Variants in CEP120 observed in about 807,000 individuals in gnomAD.
CEP120 encodes centrosomal protein 120, also known as centrosomal protein of 120 kDa.
CEP120 carries 113 observed loss-of-function variants against 126.5 expected under a neutral mutation model. That is an observed-to-expected ratio of 0.89 (90% CI 0.77 to 1.04). CEP120 has a LOEUF of 1.04. Among genes scored for constraint, CEP120 ranks in the 50% least tolerant of loss-of-function variants. The probability of loss-of-function intolerance (pLI) is 0.00; values close to 1 mark genes in which losing one functional copy is unlikely to be tolerated. For missense variants in CEP120, 1,230 were observed against 1,155.7 expected (o/e 1.06, Z -0.93); for synonymous variants, 400 against 394.3 (o/e 1.01, Z -0.17).
chr5:123,360,660 G>C (rs1770006649), intron 18 of CEP120, among the ~76,000 whole-genome samples: 1 of 151,674 alleles, frequency 6.6e-6, no homozygotes, highest in Non-Finnish European at 1.5e-5. Context: ...TGGGCAAGAG[G>C]GTAGGAAATA....
intron 16 of CEP120, among the ~76,000 whole-genome samples, chr5:123,374,722 A>C (rs1771085955): frequency 6.6e-6 from 1 of 152,154 alleles, no homozygotes; most frequent in South Asian, 2.1e-4. Flanking sequence ...ATATGACAGA[A>C]GTTTACCTAT....
At chr5:123,401,043 C>A (rs1773186645) in intron 4 of CEP120, 1 of 1,565,770 alleles carries the variant, frequency 6.4e-7, no homozygotes. Context: ...GTAGCTGAGG[C>A]CGGGGCTTGT....
In CEP120 at chr5:123,404,876, C is replaced by A. The variant is rs544514766; in HGVS notation, c.464-5592G>T. Reference sequence around the variant, plus strand: ...TTCCAGAAGACACCTTCTTCCTCTACAGAAAAAGTTTACAGAAGAGATGTA... The same window carrying A: ...TTCCAGAAGACACCTTCTTCCTCTAAAGAAAAAGTTTACAGAAGAGATGTA... On this transcript the variant is annotated intron_variant, in intron 4 of 19. Transcript: ENST00000306467. Among the ~76,000 whole-genome samples the A allele has an allele frequency of 1.7e-3, 253 of 152,280 alleles. 1 individual carries two copies. The highest frequency in any genetic ancestry group is 5.9e-3 in the African/African-American group (246 of 41,556).
At chr5:123,390,958 CT>C in intron 7 of CEP120, 151 bp downstream of exon 7, 1 of 622,328 alleles carries the variant, frequency 1.6e-6, no homozygotes, top group Non-Finnish European at 2.8e-6. Context: ...AGTCACAGCA[CT>C]TTTCAGAAAG....
At chr5:123,348,919 T>C (rs62376377) in intron 19 of CEP120, among the ~76,000 whole-genome samples, 24,853 of 152,150 alleles carry the variant, frequency 0.16, 2,571 homozygotes, top group Non-Finnish European at 0.22. Flanking sequence ...TTCTAGCCTC[T>C]AGTACTGTGA....
In CEP120 at chr5:123,388,476, A is replaced by C. The variant is rs1260675266; in HGVS notation, c.1386T>G (p.Ser462Arg). 6.3e-7 allele frequency: 1 copy of C among 1,593,750 alleles called. No individual in the cohort carries two copies. The highest frequency in any genetic ancestry group is 2.3e-5 in the East Asian group (1 of 44,006). Residue 462 changes from serine (S) to arginine (R), a missense_variant, in exon 9 of 20, where the codon AGT becomes AGG. Transcript: ENST00000306467. ...GAAAACCAATCTCCAAGGCATGTAT[A>C]CTCCTTAAGTCTATTGAAAAGCAAA... is the stretch of plus-strand genomic sequence containing the variant. ...HHFCFSIDLR[S>R]IHALEIGFPI...
At chr5:123,388,176 G>A (rs2127063960) in intron 9 of CEP120, 1 of 226,656 alleles carries the variant, frequency 4.4e-6, no homozygotes, top group East Asian at 8.4e-5. Flanking sequence ...ATACATACAT[G>A]TATTATATTA....
chr5:123,350,120 C>T (rs1769108422), intron 18 of CEP120, 31 bp from the exon 19 acceptor site: 2 of 1,570,052 alleles, frequency 1.3e-6, no homozygotes, highest in Non-Finnish European at 1.7e-6. Context: ...AAGTCATATC[C>T]TTAATATTAG....
chr5:123,386,676 TAAAAAAA>T lies in CEP120; in HGVS notation c.1431-16_1431-10del, dbSNP rs75744800. On this transcript the variant is annotated splice_polypyrimidine_tract_variant and intron_variant, in intron 9 of 19. Transcript: ENST00000306467. ...AGAATGGATATGAGTACCTAGAATT[TAAAAAAA>T]AAAAAAAAAAAAAAAGCCTTAATGA... 2.1e-5 allele frequency: 13 copies of T among 611,066 alleles called. No individual in the cohort carries two copies. Among genetic ancestry groups the T allele is most frequent in the Non-Finnish European group, 2.6e-5 (12 of 467,956 alleles). 37.9% of individuals were successfully genotyped at this position (611,066 alleles called of 1,614,324 possible). A position where few individuals can be genotyped will look rare whatever the true frequency, so the allele number is the denominator to read the frequency against.
intron 18 of CEP120, among the ~76,000 whole-genome samples, chr5:123,351,359 C>T (rs764324905): frequency 1.3e-5 from 2 of 152,172 alleles, no homozygotes; most frequent in African/African-American, 2.4e-5. Flanking sequence ...TAATCATTTA[C>T]ATTATTATAC....
chr5:123,404,453 A>G (rs1168365268), intron 4 of CEP120, among the ~76,000 whole-genome samples: 1 of 152,206 alleles, frequency 6.6e-6, no homozygotes, highest in Non-Finnish European at 1.5e-5. Context: ...GGCACAGAAG[A>G]GTATGATTGT....
rs147265666 is a variant in CEP120, at chr5:123,400,275, C to A, written c.464-991G>T. On this transcript the variant is annotated intron_variant, in intron 4 of 19. Coordinates refer to ENST00000306467, the MANE Select transcript of CEP120 (RefSeq NM_001375405.1). Reference sequence around the variant, plus strand: ...TGTTGCACAGGGAACCCATATCCATCTCTTTTAGTCTCCATTTTTTTTTTT... The same window carrying A: ...TGTTGCACAGGGAACCCATATCCATATCTTTTAGTCTCCATTTTTTTTTTT... Among the ~76,000 whole-genome samples the A allele has an allele frequency of 1.5e-3, 222 of 152,218 alleles. 1 individual carries two copies. The highest frequency in any genetic ancestry group is 5.2e-3 in the African/African-American group (217 of 41,522).
chr5:123,348,050 G>A (rs1768957424), intron 19 of CEP120, among the ~76,000 whole-genome samples: 1 of 152,108 alleles, frequency 6.6e-6, no homozygotes, highest in Non-Finnish European at 1.5e-5. Context: ...CTACTTCCAT[G>A]AACGTCCCTA....
chr5:123,377,555 T>G lies in CEP120; in HGVS notation c.2197-20A>C, dbSNP rs576776852. 1.3e-5 allele frequency: 20 copies of G among 1,564,826 alleles called. No individual in the cohort carries two copies. Among genetic ancestry groups the G allele is most frequent in the South Asian group, 4.9e-5 (4 of 82,192 alleles). ...TTGAAGCTTAAAACAAAGGCATCTT[T>G]AAGAGGTTGGTTTATTGCTAGCTGC... On this transcript the variant is annotated intron_variant, in intron 15 of 19. Transcript: ENST00000306467.
chr5:123,378,435 T>C lies in CEP120; in HGVS notation c.2104-7A>G. 7.4e-7 allele frequency: 1 copy of C among 1,352,290 alleles called. No individual in the cohort carries two copies. The highest frequency in any genetic ancestry group is 9.8e-7 in the Non-Finnish European group (1 of 1,022,422). 83.8% of individuals were successfully genotyped at this position (1,352,290 alleles called of 1,614,324 possible). ...GAATAGTATATTCAGCCACCTAAAATATAGTAAAAAAAAAAAAAAAAAAGT... is the reference window on the plus strand; with the variant it reads ...GAATAGTATATTCAGCCACCTAAAACATAGTAAAAAAAAAAAAAAAAAAGT... On this transcript the variant is annotated splice_region_variant and splice_polypyrimidine_tract_variant and intron_variant, in intron 14 of 19. Transcript: ENST00000306467.
At chr5:123,372,541 G>T in intron 17 of CEP120, 109 bp downstream of exon 17, 1 of 1,107,868 alleles carries the variant, frequency 9.0e-7, no homozygotes. Flanking sequence ...ATTCTTATTT[G>T]ACATCAGAAC....
At chr5:123,417,576 C>A (rs1270718861) in intron 2 of CEP120, among the ~76,000 whole-genome samples, 1 of 151,820 alleles carries the variant, frequency 6.6e-6, no homozygotes, top group African/African-American at 2.4e-5. Context: ...TCACTGGATA[C>A]CCCTCTATAT....
chr5:123,398,282 C>A (rs372312375), intron 5 of CEP120, among the ~76,000 whole-genome samples: 1 of 152,138 alleles, frequency 6.6e-6, no homozygotes, highest in African/African-American at 2.4e-5. Context: ...AGTGGAATAA[C>A]AGCTAGTTTT....
At chr5:123,422,077 A>T (rs1270096670) in intron 1 of CEP120, among the ~76,000 whole-genome samples, 1 of 152,180 alleles carries the variant, frequency 6.6e-6, no homozygotes, top group Non-Finnish European at 1.5e-5. Context: ...CTTTCTTGCA[A>T]ATCTGTTCTC....
Sources: gnomAD v4.1 joint callset for allele counts (sites outside exome capture counted in the v4.1 genomes callset) on GRCh38, gnomAD v4.1.1 for gene constraint, MANE v1.5 for transcripts, NCBI Gene and HGNC (gene_info 2026-07-23, HGNC 2026-07-21) for gene names.